WDR7: variants seen among roughly 807,000 people sequenced by gnomAD.
WDR7 encodes the protein WD repeat domain 7.
Under a neutral mutation model 169.4 loss-of-function variants are expected in WDR7, and 46 were observed. That is an observed-to-expected ratio of 0.27 (90% CI 0.21 to 0.35). WDR7 has a LOEUF of 0.35. Among genes scored for constraint, WDR7 ranks in the 10% least tolerant of loss-of-function variants. The pLI is 1.00. For synonymous variants in WDR7, 612 were observed against 666.8 expected, an observed-to-expected ratio of 0.92 and a Z score of 1.27; for missense variants, 1,534 against 1,859.3, an observed-to-expected ratio of 0.83 and a Z score of 3.22.
chr18:56,959,693 G>T (rs752040503), intron 25 of WDR7, among the ~76,000 whole-genome samples: 18 of 152,084 alleles, frequency 1.2e-4, no homozygotes, highest in South Asian at 1.0e-3. Flanking sequence ...AGGAAAAATC[G>T]GTCATGCAGG....
intron 21 of WDR7, among the ~76,000 whole-genome samples, chr18:56,900,719 G>A (rs2046390723): frequency 6.6e-6 from 1 of 152,136 alleles, no homozygotes; most frequent in African/African-American, 2.4e-5. Flanking sequence ...GTGAGTGGAG[G>A]CAGCTTGTTG....
chr18:56,762,016 A>G lies in WDR7; in HGVS notation c.2848+3063A>G, dbSNP rs531203756. Among the ~76,000 whole-genome samples the G allele has an allele frequency of 8.3e-4, 126 of 152,152 alleles. 1 individual carries two copies. Among genetic ancestry groups the G allele is most frequent in the African/African-American group, 3.0e-3 (123 of 41,562 alleles). ...TTTTGTAGATGTTAAGAAACTAGCT[A>G]CCTTTTATTCCTTCTTTGCTAATGT... is the stretch of plus-strand genomic sequence containing the variant. On this transcript the variant is annotated intron_variant, in intron 16 of 27. Coordinates refer to ENST00000254442, the MANE Select transcript of WDR7 (RefSeq NM_015285.3).
chr18:56,891,375 A>C (rs953653408), intron 21 of WDR7, among the ~76,000 whole-genome samples: 4 of 152,088 alleles, frequency 2.6e-5, no homozygotes, highest in African/African-American at 9.7e-5. Flanking sequence ...TAACTAAGAC[A>C]CAGGAATAGT....
chr18:56,796,274 A>T (rs2044584558), intron 19 of WDR7, among the ~76,000 whole-genome samples: 2 of 151,994 alleles, frequency 1.3e-5, no homozygotes, highest in African/African-American at 4.8e-5. Context: ...TTCCTCCTTC[A>T]CCTCCATTTG....
At chr18:56,774,419 T>C (rs1028638919) in intron 16 of WDR7, among the ~76,000 whole-genome samples, 2 of 152,096 alleles carry the variant, frequency 1.3e-5, no homozygotes, top group South Asian at 4.1e-4. Flanking sequence ...GCGGCTCAGA[T>C]AAAATAATGG....
chr18:57,010,136 A>G, intron 26 of WDR7: 1 of 985,440 alleles, frequency 1.0e-6, no homozygotes, highest in Non-Finnish European at 1.2e-6. Context: ...GAGGGGAGGG[A>G]TTTATTTTCA....
At chr18:56,674,768 C>T (rs911383009) in intron 2 of WDR7, among the ~76,000 whole-genome samples, 1 of 151,888 alleles carries the variant, frequency 6.6e-6, no homozygotes, top group African/African-American at 2.4e-5. Flanking sequence ...AAGATTTATC[C>T]CTGTGTTTTT....
At chr18:56,780,969 T>C (rs1383764159) in intron 18 of WDR7, among the ~76,000 whole-genome samples, 1 of 152,210 alleles carries the variant, frequency 6.6e-6, no homozygotes, top group Non-Finnish European at 1.5e-5. Flanking sequence ...TCTATAAAAC[T>C]AAAATAAGTT....
chr18:56,706,758 G>T (rs2025965686), intron 12 of WDR7, among the ~76,000 whole-genome samples: 1 of 151,560 alleles, frequency 6.6e-6, no homozygotes, highest in Non-Finnish European at 1.5e-5. Context: ...TGCCATCTTG[G>T]CTCACTGCAA....
intron 26 of WDR7, among the ~76,000 whole-genome samples, chr18:56,971,829 C>A (rs73444861): frequency 0.045 from 6,891 of 152,130 alleles, 496 homozygotes; most frequent in African/African-American, 0.15. Flanking sequence ...TGTGTGTGAA[C>A]GGTCCATATT....
chr18:56,891,472 A>T (rs1319306502), intron 21 of WDR7, among the ~76,000 whole-genome samples: 1 of 152,098 alleles, frequency 6.6e-6, no homozygotes, highest in African/African-American at 2.4e-5. Flanking sequence ...AAGTACTTAT[A>T]AATGTTAGTT....
chr18:56,742,380 C>G (rs2043632791), intron 14 of WDR7, among the ~76,000 whole-genome samples: 2 of 152,130 alleles, frequency 1.3e-5, no homozygotes, highest in African/African-American at 2.4e-5. Flanking sequence ...TAAAAATATA[C>G]ATATTTATGG....
chr18:56,689,977 T>A (rs1485375928), intron 7 of WDR7, among the ~76,000 whole-genome samples: 2 of 152,148 alleles, frequency 1.3e-5, no homozygotes, highest in Non-Finnish European at 2.9e-5. Flanking sequence ...ACTTCAAGGC[T>A]GTATACAAGC....
At chr18:56,881,141 G>A (rs1351763830) in intron 21 of WDR7, among the ~76,000 whole-genome samples, 1 of 152,148 alleles carries the variant, frequency 6.6e-6, no homozygotes, top group Non-Finnish European at 1.5e-5. Context: ...CCATGTTAGT[G>A]ACTTTTATTA....
chr18:56,906,693 G>A (rs2046482325), intron 21 of WDR7, among the ~76,000 whole-genome samples: 1 of 151,944 alleles, frequency 6.6e-6, no homozygotes, highest in Non-Finnish European at 1.5e-5. Context: ...ACAGACATGT[G>A]CCACCACAGC....
chr18:57,016,312 A>G (rs892079528), intron 26 of WDR7, among the ~76,000 whole-genome samples: 9 of 152,224 alleles, frequency 5.9e-5, no homozygotes, highest in African/African-American at 2.2e-4. Context: ...TACATGGGTC[A>G]GTACTTTATG....
At chr18:56,946,410 C>T (rs1411949856) in intron 25 of WDR7, among the ~76,000 whole-genome samples, 1 of 152,198 alleles carries the variant, frequency 6.6e-6, no homozygotes, top group Non-Finnish European at 1.5e-5. Flanking sequence ...ATCTAGATGA[C>T]AGCCCGTTTT....
intron 20 of WDR7, among the ~76,000 whole-genome samples, chr18:56,859,611 T>C (rs746094318): frequency 1.4e-4 from 22 of 152,342 alleles, no homozygotes; most frequent in Non-Finnish European, 2.5e-4. Flanking sequence ...TATTAGTCCC[T>C]AGTATGCCTT....
At chr18:56,828,123 A>G (rs2045242367) in intron 20 of WDR7, among the ~76,000 whole-genome samples, 1 of 152,256 alleles carries the variant, frequency 6.6e-6, no homozygotes, top group Non-Finnish European at 1.5e-5. Context: ...CTTTACAAGG[A>G]TATAAACTTG....
Sources: gnomAD v4.1 joint callset for allele counts (sites outside exome capture counted in the v4.1 genomes callset) on GRCh38, gnomAD v4.1.1 for gene constraint, MANE v1.5 for transcripts, NCBI Gene and HGNC (gene_info 2026-07-23, HGNC 2026-07-21) for gene names.